The following ACSS3 variants were observed in gnomAD, a reference collection of about 807,000 sequenced individuals.
The protein encoded by ACSS3 is acyl-CoA synthetase short-chain family member 3, mitochondrial.
In ACSS3, 64 loss-of-function variants were observed where a neutral mutation model predicts 84.2. That is an observed-to-expected ratio of 0.76 (90% CI 0.62 to 0.94). The LOEUF is 0.94. Ranked by LOEUF, ACSS3 falls within the 40% of genes least tolerant of loss-of-function variation. The pLI, the probability that ACSS3 is intolerant of heterozygous loss-of-function variation, is 0.00. For missense variants in ACSS3, 815 were observed against 867.6 expected (o/e 0.94, Z 0.76); for synonymous variants, 317 against 310.1 (o/e 1.02, Z -0.23).
chr12:81,232,356 A>G (rs1189824906), intron 12 of ACSS3, among the ~76,000 whole-genome samples: 3 of 151,868 alleles, frequency 2.0e-5, no homozygotes, highest in South Asian at 4.2e-4. Context: ...CTGATCTCAA[A>G]CCTGTTATTT....
chr12:81,146,779 G>T (rs36001372), intron 5 of ACSS3, among the ~76,000 whole-genome samples: 51,886 of 151,954 alleles, frequency 0.34, 11,182 homozygotes, highest in Non-Finnish European at 0.48. Context: ...CCCTCATCTG[G>T]ATCAGATGTC....
intron 1 of ACSS3, among the ~76,000 whole-genome samples, chr12:81,082,502 A>G (rs1231045890): frequency 6.6e-6 from 1 of 152,158 alleles, no homozygotes; most frequent in Non-Finnish European, 1.5e-5. Flanking sequence ...GGAACATTCC[A>G]GGGAAAGAAA....
At chr12:81,115,705 C>T (rs527452166) in intron 2 of ACSS3, among the ~76,000 whole-genome samples, 4 of 152,162 alleles carry the variant, frequency 2.6e-5, no homozygotes, top group African/African-American at 9.6e-5. Flanking sequence ...GAGAGACATT[C>T]TCACAATTAA....
intron 8 of ACSS3, among the ~76,000 whole-genome samples, chr12:81,181,747 C>CA (rs59878486): frequency 0.032 from 1,521 of 47,854 alleles, 64 homozygotes; most frequent in African/African-American, 0.046. Context: ...ATCAATTAAG[C>CA]AAAAAAAAAA....
chr12:81,114,121 A>T (rs1329533403), intron 2 of ACSS3, among the ~76,000 whole-genome samples: 1 of 152,136 alleles, frequency 6.6e-6, no homozygotes, highest in East Asian at 1.9e-4. Flanking sequence ...TCACTAAATA[A>T]GAACGTGTCC....
At chr12:81,198,744 T>C (rs1593187162) in intron 8 of ACSS3, among the ~76,000 whole-genome samples, 1 of 152,208 alleles carries the variant, frequency 6.6e-6, no homozygotes, top group Admixed American at 6.6e-5. Context: ...TACTCTTGTA[T>C]TCCTTTTGAT....
intron 2 of ACSS3, among the ~76,000 whole-genome samples, chr12:81,129,340 A>T (rs955839727): frequency 1.3e-5 from 2 of 152,272 alleles, no homozygotes; most frequent in East Asian, 3.9e-4. Flanking sequence ...AATGAAAAAA[A>T]ATGCAAGCTG....
chr12:81,190,439 A>C (rs2031506423), intron 8 of ACSS3, among the ~76,000 whole-genome samples: 1 of 152,066 alleles, frequency 6.6e-6, no homozygotes, highest in African/African-American at 2.4e-5. Context: ...AACAACATGT[A>C]ACTGTTTTTG....
intron 5 of ACSS3, among the ~76,000 whole-genome samples, chr12:81,149,911 T>C (rs1429418146): frequency 1.3e-5 from 2 of 152,216 alleles, no homozygotes; most frequent in Non-Finnish European, 2.9e-5. Context: ...TCACGCATGT[T>C]CTCATTTTTA....
chr12:81,139,319 T>G lies in ACSS3; in HGVS notation c.780+54T>G, dbSNP rs1885966419. On this transcript the variant is annotated intron_variant, in intron 4 of 15. Transcript: ENST00000548058. ...CTTATGGTAATATGCTAAGAATGAGTTTAGTTTTTACCATTTAAAAGAGAC... is the reference window on the plus strand; with the variant it reads ...CTTATGGTAATATGCTAAGAATGAGGTTAGTTTTTACCATTTAAAAGAGAC... 4.4e-6 allele frequency: 7 copies of G among 1,582,064 alleles called. No homozygotes were observed. In the South Asian group the frequency reaches 6.7e-5, roughly 15 times the overall value.
chr12:81,110,340 T>C (rs1030440488), intron 2 of ACSS3, among the ~76,000 whole-genome samples: 2 of 152,180 alleles, frequency 1.3e-5, no homozygotes, highest in African/African-American at 4.8e-5. Flanking sequence ...TCTTTGAACA[T>C]GTTCATTCCT....
intron 10 of ACSS3, among the ~76,000 whole-genome samples, chr12:81,217,881 G>C (rs2032978440): frequency 6.6e-6 from 1 of 151,840 alleles, no homozygotes; most frequent in Non-Finnish European, 1.5e-5. Flanking sequence ...AAAAACAAAG[G>C]GGGAGGATCC....
chr12:81,240,687 TC>T (rs2033769906), intron 13 of ACSS3, among the ~76,000 whole-genome samples: 1 of 151,884 alleles, frequency 6.6e-6, no homozygotes, highest in Non-Finnish European at 1.5e-5. Context: ...CATTTTGCTC[TC>T]CTTTCTTAAC....
chr12:81,172,176 G>C (rs2030106955), intron 7 of ACSS3, among the ~76,000 whole-genome samples: 2 of 142,374 alleles, frequency 1.4e-5, no homozygotes, highest in South Asian at 4.7e-4. Flanking sequence ...TGAGGCAGGA[G>C]AATCCCTTGA....
intron 8 of ACSS3, among the ~76,000 whole-genome samples, chr12:81,193,223 C>T (rs1399001234): frequency 6.6e-6 from 1 of 152,050 alleles, no homozygotes; most frequent in Non-Finnish European, 1.5e-5. Flanking sequence ...AACCAGAAGT[C>T]GACGAGGCAT....
intron 9 of ACSS3, among the ~76,000 whole-genome samples, chr12:81,202,279 AAAATAAAT>A (rs200748784): frequency 6.6e-6 from 1 of 151,448 alleles, no homozygotes; most frequent in African/African-American, 2.4e-5. Context: ...ACTCTGTCTC[AAAATAAAT>A]AAATAAATAA....
At chr12:81,209,685 C>T (rs1421564067) in intron 9 of ACSS3, among the ~76,000 whole-genome samples, 1 of 152,180 alleles carries the variant, frequency 6.6e-6, no homozygotes, top group African/African-American at 2.4e-5. Flanking sequence ...AAGAGTGCTA[C>T]TCCATAGGAA....
intron 13 of ACSS3, among the ~76,000 whole-genome samples, chr12:81,246,079 C>T (rs1401096908): frequency 6.6e-6 from 1 of 152,170 alleles, no homozygotes; most frequent in Non-Finnish European, 1.5e-5. Flanking sequence ...CAGCGACCCA[C>T]TCTCAGGAGC....
intron 9 of ACSS3, among the ~76,000 whole-genome samples, chr12:81,213,054 T>G (rs1430191171): frequency 6.6e-6 from 1 of 152,246 alleles, no homozygotes. Flanking sequence ...TCCCATGCTC[T>G]TCTACAAAGA....
Sources: gnomAD v4.1 joint callset for allele counts (sites outside exome capture counted in the v4.1 genomes callset) on GRCh38, gnomAD v4.1.1 for gene constraint, MANE v1.5 for transcripts, NCBI Gene and HGNC (gene_info 2026-07-23, HGNC 2026-07-21) for gene names.